The following IL11RA variants were observed in gnomAD, a reference collection of about 807,000 sequenced individuals.
IL11RA encodes interleukin 11 receptor subunit alpha.
Under a neutral mutation model 57.0 loss-of-function variants are expected in IL11RA, and 51 were observed. The ratio of observed to expected loss-of-function variants is 0.89; its 90% CI spans 0.71 to 1.13. The LOEUF (loss-of-function observed/expected upper bound fraction) is 1.13, where lower values mean the gene tolerates loss of function less well. Ranked by LOEUF, IL11RA falls within the 50% of genes most tolerant of loss-of-function variation. The pLI, the probability that IL11RA is intolerant of heterozygous loss-of-function variation, is 0.00. For missense variants in IL11RA, 498 were observed against 539.4 expected, an observed-to-expected ratio of 0.92 and a Z score of 0.76; for synonymous variants, 199 against 217.5, an observed-to-expected ratio of 0.91 and a Z score of 0.75.
rs780640758 is a variant in IL11RA, at chr9:34,660,868, G to A, written c.1184G>A (p.Arg395Gln). The A allele has an allele frequency of 3.1e-6, 5 of 1,614,006 alleles. No homozygotes were observed. Among genetic ancestry groups the A allele is most frequent in the East Asian group, 2.2e-5 (1 of 44,886 alleles). ...CTATGCCCCAGGCTGAGGCTGAGAC[G>A]GGGTGGGAAGGATGGATCCCCAAAG... ...LALGLWLRLR[R>Q]GGKDGSPKPG... The change falls in exon 12 of 13, where the codon CGG (arginine) becomes CAG (glutamine). Residue 395 changes from arginine (R) to glutamine (Q), a missense_variant. Arg to Gln is a conservative substitution (Grantham distance 43, BLOSUM62 1). Coordinates refer to ENST00000441545, the MANE Select transcript of IL11RA (RefSeq NM_001142784.3).
At chr9:34,661,084 C>T in intron 12 of IL11RA, 148 bp downstream of exon 12, 1 of 733,832 alleles carries the variant, frequency 1.4e-6, no homozygotes, top group Non-Finnish European at 2.4e-6. Context: ...AGGCTGAGGG[C>T]TGGGCCTTTC....
chr9:34,659,403 T>C (rs543918115), intron 8 of IL11RA, among the ~76,000 whole-genome samples: 4 of 152,348 alleles, frequency 2.6e-5, no homozygotes, highest in African/African-American at 9.6e-5. Context: ...TAGTGCTGCC[T>C]GCCTGTGGGG....
intron 3 of IL11RA, among the ~76,000 whole-genome samples, chr9:34,656,311 G>A (rs1379106440): frequency 1.3e-5 from 2 of 152,164 alleles, no homozygotes; most frequent in African/African-American, 4.8e-5. Flanking sequence ...GATTACAGGC[G>A]TGAGCCACCG....
intron 8 of IL11RA, 57 bp from the exon 9 acceptor site, chr9:34,659,702 G>T: frequency 6.2e-7 from 1 of 1,608,050 alleles, no homozygotes; most frequent in Non-Finnish European, 8.5e-7. Flanking sequence ...TGTAGATGGT[G>T]GCTGGGAAGG....
chr9:34,652,339 C>T (rs928754060), intron 1 of IL11RA, 106 bp downstream of exon 1: 3 of 153,412 alleles, frequency 2.0e-5, no homozygotes, highest in African/African-American at 7.2e-5. Flanking sequence ...GTGTATGTGC[C>T]TGTGAGGCTG....
Position 34,658,490 on chromosome 9 carries a change from T to C in IL11RA, c.647-30T>C, listed in dbSNP as rs1425900392. 6.2e-7 allele frequency: 1 copy of C among 1,613,070 alleles called. No homozygotes were observed. The highest frequency in any genetic ancestry group is 1.3e-5 in the African/African-American group (1 of 74,890). ...GGGGAAGTGATGGAGACCCATAGCC[T>C]ACCCTGACTTTGTGTCTTGATGCCC... On this transcript the variant is annotated intron_variant, in intron 7 of 12. Coordinates refer to ENST00000441545, the MANE Select transcript of IL11RA (RefSeq NM_001142784.3). The surrounding 1 kb of genome is among the most constrained non-coding windows in gnomAD (Gnocchi z 4.0).
At chr9:34,652,943 G>C (rs1821279477) in intron 1 of IL11RA, among the ~76,000 whole-genome samples, 1 of 152,154 alleles carries the variant, frequency 6.6e-6, no homozygotes, top group South Asian at 2.1e-4. Flanking sequence ...TGTCTTACTA[G>C]AGATACCTCT....
At position 34,659,890 on chromosome 9, in the gene IL11RA, T is replaced by G. The variant is rs767924164; in HGVS notation, c.942T>G (p.Thr314=). The change falls in exon 9 of 13, where the codon ACT becomes ACG. Residue 314 remains threonine (T), a synonymous_variant. Transcript: ENST00000441545. The stretch of plus-strand genomic sequence containing the variant: ...CCTGGAGCCCGGAGGCCTGGGGAAC[T>G]CCGAGCACTGGTGAGAGACAAAGCC... ...WSTWSPEAWG[T]PSTGTIPKEI... The G allele has an allele frequency of 2.5e-6, 4 of 1,614,130 alleles. No individual in the cohort carries two copies. In the East Asian group the frequency reaches 8.9e-5, roughly 36 times the overall value.
Position 34,653,808 on chromosome 9 carries a change from G to A in IL11RA, c.1-1410G>A, listed in dbSNP as rs1486282334. ...AGGGCCTTGGGTGGGAGGGAAGGAGGGAGGAGGCAGGAGCAGGGAGGGGGC... is the reference window on the plus strand; with the variant it reads ...AGGGCCTTGGGTGGGAGGGAAGGAGAGAGGAGGCAGGAGCAGGGAGGGGGC... On this transcript the variant is annotated intron_variant, in intron 1 of 12. Transcript: ENST00000441545. The surrounding 1 kb of genome is among the most constrained non-coding windows in gnomAD (Gnocchi z 4.5). 1 of 152,814 alleles carries A rather than the reference G, an allele frequency of 6.5e-6. No individual in the cohort carries two copies. The highest frequency in any genetic ancestry group is 1.5e-5 in the Non-Finnish European group (1 of 68,378). 9.5% of individuals were successfully genotyped at this position (152,814 alleles called of 1,614,324 possible).
chr9:34,659,435 TAC>T (rs1277144990), intron 8 of IL11RA, among the ~76,000 whole-genome samples: 4 of 152,222 alleles, frequency 2.6e-5, no homozygotes, highest in African/African-American at 9.6e-5. Flanking sequence ...ACTTTTTGCA[TAC>T]ATTGTTTTGT....
Position 34,660,305 on chromosome 9 carries a change from C to T in IL11RA, c.984C>T (p.Gly328=). Residue 328 remains glycine, a synonymous_variant, in exon 10 of 13, where the codon GGC becomes GGT. Transcript: ENST00000441545. ...GTIPKEIPAW[G]QLHTQPEVEP... is the part of the protein sequence containing the mutation. Reference sequence around the variant, plus strand: ...TACCAAAGGAGATACCAGCATGGGGCCAGCTACACACGCAGCCAGAGGTGG... The same window carrying T: ...TACCAAAGGAGATACCAGCATGGGGTCAGCTACACACGCAGCCAGAGGTGG... 6.2e-7 allele frequency: 1 copy of T among 1,614,234 alleles called. No homozygotes were observed. The highest frequency in any genetic ancestry group is 8.5e-7 in the Non-Finnish European group (1 of 1,180,040).
chr9:34,657,463 C>T lies in IL11RA; in HGVS notation c.522C>T (p.Pro174=). 6 of 1,614,214 alleles carry T rather than the reference C, an allele frequency of 3.7e-6. No homozygotes were observed. Among genetic ancestry groups the T allele is most frequent in the Non-Finnish European group, 4.2e-6 (5 of 1,180,020 alleles). Residue 174 remains proline, a synonymous_variant, in exon 7 of 13, where the codon CCC becomes CCT. Transcript: ENST00000441545. The part of the protein sequence containing the change: ...STGPWPCPQD[P]LGAARCVVHG... ...GGCCCTGGCCATGCCCACAGGATCC[C>T]CTAGGGGCTGCCCGCTGTGTTGTCC...
At chr9:34,654,993 C>T in intron 1 of IL11RA, 1 of 454,262 alleles carries the variant, frequency 2.2e-6, no homozygotes, top group East Asian at 3.7e-5. Flanking sequence ...GTGTGTGTGT[C>T]CGTGTGTGTG....
Position 34,660,564 on chromosome 9 carries a change from T to G in IL11RA, c.1133T>G (p.Leu378Arg), listed in dbSNP as rs927191631. Residue 378 changes from leucine (L) to arginine (R), a missense_variant, in exon 11 of 13, where the codon CTG becomes CGG. Physicochemically the swap from Leu to Arg is moderately radical, Grantham distance 102. Transcript: ENST00000441545. ...VLASLGILSF[L>R]GLVAGALALG... ...GCGTCTTTGGGAATCCTTTCTTTCC[T>G]GGGACTGGTGGCTGGGGCCCTGGCA... The G allele has an allele frequency of 6.2e-7, 1 of 1,614,184 alleles. No homozygotes were observed. Among genetic ancestry groups the G allele is most frequent in the Admixed American group, 1.7e-5 (1 of 60,028 alleles).
intron 8 of IL11RA, 128 bp from the exon 9 acceptor site, chr9:34,659,631 A>G: frequency 3.5e-6 from 4 of 1,141,836 alleles, no homozygotes; most frequent in South Asian, 2.5e-5. Flanking sequence ...CAGACACCCA[A>G]CATGAGACCT....
chr9:34,656,298 C>T (rs1821342397), intron 3 of IL11RA, among the ~76,000 whole-genome samples: 1 of 152,158 alleles, frequency 6.6e-6, no homozygotes, highest in Non-Finnish European at 1.5e-5. Context: ...TCCCAAAGTG[C>T]TAGATTACAG....
rs896818158 is a variant in IL11RA at position 34,653,935 on chromosome 9, G to C, written c.1-1283G>C. ...CCCAGAACTGAGTGGAGTAGGAGAC[G>C]GGGGCTGTAGCTGGTGAGAGGAAGT... is the stretch of plus-strand genomic sequence containing the variant. On this transcript the variant is annotated intron_variant, in intron 1 of 12. Coordinates refer to ENST00000441545, the MANE Select transcript of IL11RA (RefSeq NM_001142784.3). This position sits in a 1 kb window ranked among gnomAD's most constrained non-coding sequence, Gnocchi z 4.5. The C allele has an allele frequency of 6.6e-6, 1 of 152,602 alleles. No individual in the cohort carries two copies. The highest frequency in any genetic ancestry group is 1.9e-4 in the East Asian group (1 of 5,194). The allele number at this position is 152,602 out of a possible 1,614,324, so 9.5% of individuals were successfully genotyped here. A position where few individuals can be genotyped will look rare whatever the true frequency, so the allele number is the denominator to read the frequency against.
chr9:34,652,384 A>C (rs1336520280), intron 1 of IL11RA, among the ~76,000 whole-genome samples, 151 bp downstream of exon 1: 1 of 151,890 alleles, frequency 6.6e-6, no homozygotes, highest in African/African-American at 2.4e-5. Flanking sequence ...TGCGATTCTG[A>C]GTGTCACTTG....
At position 34,658,812 on chromosome 9, in the gene IL11RA, C is replaced by T; in HGVS notation, c.810+129C>T. 9.7e-7 allele frequency: 1 copy of T among 1,032,230 alleles called. No individual in the cohort carries two copies. Among genetic ancestry groups the T allele is most frequent in the Non-Finnish European group, 1.5e-6 (1 of 683,010 alleles). The allele number at this position is 1,032,230 out of a possible 1,614,324, so 63.9% of individuals were successfully genotyped here. A position where few individuals can be genotyped will look rare whatever the true frequency, so the allele number is the denominator to read the frequency against. On this transcript the variant is annotated intron_variant, in intron 8 of 12. Transcript: ENST00000441545. This position sits in a 1 kb window ranked among gnomAD's most constrained non-coding sequence, Gnocchi z 4.0. ...ACCCAACACTTCCCTGTGGGCCAGGCTTTGTACTGGGTGCTGGGTTGCAGT... is the reference window on the plus strand; with the variant it reads ...ACCCAACACTTCCCTGTGGGCCAGGTTTTGTACTGGGTGCTGGGTTGCAGT...
Sources: allele counts gnomAD v4.1 joint callset (sites outside exome capture counted in the v4.1 genomes callset), GRCh38; gene constraint gnomAD v4.1.1; non-coding constraint Gnocchi (gnomAD v3.1); transcripts MANE v1.5; gene names NCBI Gene and HGNC (gene_info 2026-07-23, HGNC 2026-07-21).